Variants in FGF12 observed in about 807,000 individuals in gnomAD.
FGF12 encodes the protein fibroblast growth factor 12.
Under a neutral mutation model 23.6 loss-of-function variants are expected in FGF12, and 14 were observed. The observed-to-expected ratio is 0.59, with a 90% CI of 0.39 to 0.93. FGF12 has a LOEUF of 0.93. FGF12 is among the 40% of genes least tolerant of loss of function. The probability of loss-of-function intolerance (pLI) is 0.00; values close to 1 mark genes in which losing one functional copy is unlikely to be tolerated. For missense variants in FGF12, 175 were observed against 217.8 expected, an observed-to-expected ratio of 0.80 and a Z score of 1.24; for synonymous variants, 62 against 77.3, an observed-to-expected ratio of 0.80 and a Z score of 1.04.
intron 4 of FGF12, among the ~76,000 whole-genome samples, chr3:192,316,338 T>C (rs758518535): frequency 1.3e-5 from 2 of 152,184 alleles, no homozygotes; most frequent in East Asian, 1.9e-4. Flanking sequence ...TTTAACTTCA[T>C]ATCACTGAAA....
At position 192,596,122 on chromosome 3, in the gene FGF12, T is replaced by TATAATATAATATAATATAAC. The variant is rs1199801155; in HGVS notation, c.13+131058_13+131059insGTTATATTATATTATATTAT. On this transcript the variant is annotated intron_variant, in intron 2 of 5. Transcript: ENST00000445105. ...TATAATATAATATAATATAATATAA[T>TATAATATAATATAATATAAC]ATAATATAATATAATATAATATACT... Among the ~76,000 whole-genome samples the TATAATATAATATAATATAAC allele has an allele frequency of 4.1e-3, 600 of 147,160 alleles. 3 individuals carry two copies. The highest frequency in any genetic ancestry group is 0.011 in the Middle Eastern group (3 of 278).
chr3:192,586,741 T>C (rs1005858319), intron 2 of FGF12, among the ~76,000 whole-genome samples: 3 of 152,320 alleles, frequency 2.0e-5, no homozygotes, highest in Non-Finnish European at 4.4e-5. Flanking sequence ...CTTTAGTAAA[T>C]ATAAATGTAA....
intron 2 of FGF12, among the ~76,000 whole-genome samples, chr3:192,410,610 C>A (rs1271147259): frequency 1.3e-5 from 2 of 152,180 alleles, no homozygotes; most frequent in African/African-American, 4.8e-5. Flanking sequence ...TCGTGGGCCC[C>A]ACCTATGGCT....
intron 2 of FGF12, among the ~76,000 whole-genome samples, chr3:192,490,331 C>T (rs1318937334): frequency 6.6e-6 from 1 of 151,972 alleles, no homozygotes; most frequent in Admixed American, 6.6e-5. Context: ...TTTTCTTCAT[C>T]AAAAGTTATG....
chr3:192,352,757 T>C (rs1334330375), intron 3 of FGF12, among the ~76,000 whole-genome samples: 1 of 152,186 alleles, frequency 6.6e-6, no homozygotes, highest in Non-Finnish European at 1.5e-5. Flanking sequence ...ATATTATTAT[T>C]ATTGTCATTT....
intron 2 of FGF12, among the ~76,000 whole-genome samples, chr3:192,720,168 C>G (rs944910070): frequency 6.6e-6 from 1 of 152,236 alleles, no homozygotes; most frequent in African/African-American, 2.4e-5. Flanking sequence ...AAGAAAGAAA[C>G]AAAAACCTAA....
At chr3:192,474,420 A>AACCCAGG (rs1723259283) in intron 2 of FGF12, among the ~76,000 whole-genome samples, 2 of 152,184 alleles carry the variant, frequency 1.3e-5, no homozygotes, top group Admixed American at 6.5e-5. Context: ...GATTTGGCCA[A>AACCCAGG]TTATAGCACC....
At chr3:192,544,626 A>T (rs754442338) in intron 2 of FGF12, among the ~76,000 whole-genome samples, 1 of 152,228 alleles carries the variant, frequency 6.6e-6, no homozygotes, top group African/African-American at 2.4e-5. Flanking sequence ...CAAAACATAT[A>T]GATTTCTCTC....
intron 2 of FGF12, among the ~76,000 whole-genome samples, chr3:192,690,067 G>A (rs751742626): frequency 2.0e-5 from 3 of 151,984 alleles, no homozygotes; most frequent in Non-Finnish European, 2.9e-5. Context: ...CTGTCTTTCA[G>A]AAAAGAGGGA....
intron 2 of FGF12, among the ~76,000 whole-genome samples, chr3:192,564,046 T>C (rs933376389): frequency 1.3e-5 from 2 of 151,350 alleles, no homozygotes; most frequent in Non-Finnish European, 3.0e-5. Flanking sequence ...TGTTTTTTTT[T>C]GTTTGTTTTT....
At chr3:192,560,249 G>A (rs188772941) in intron 2 of FGF12, among the ~76,000 whole-genome samples, 270 of 151,838 alleles carry the variant, frequency 1.8e-3, no homozygotes, top group Non-Finnish European at 2.3e-3. Flanking sequence ...AAATATATGA[G>A]ATTCAAATTC....
rs1475874000 is a variant in FGF12, at chr3:192,564,347, A to G, written c.13+162834T>C. ...CCAAAGTGCTGGGATTACAGGAGTG[A>G]GCCACTGCGCCCTGCCGACCATGTG... On this transcript the variant is annotated intron_variant, in intron 2 of 5. Coordinates refer to ENST00000445105, the MANE Select transcript of FGF12 (RefSeq NM_004113.6). Among the ~76,000 whole-genome samples the G allele has an allele frequency of 3.3e-5, 5 of 152,164 alleles. No homozygotes were observed. In the East Asian group the frequency reaches 9.6e-4, roughly 29 times the overall value.
At chr3:192,618,190 T>C (rs1044315549) in intron 2 of FGF12, among the ~76,000 whole-genome samples, 19 of 149,872 alleles carry the variant, frequency 1.3e-4, no homozygotes, top group African/African-American at 4.4e-4. Flanking sequence ...GATTTTATAA[T>C]GGAATCACTA....
chr3:192,653,738 G>A (rs1294358014), intron 2 of FGF12, among the ~76,000 whole-genome samples: 11 of 105,164 alleles, frequency 1.0e-4, no homozygotes, highest in South Asian at 3.1e-4. Flanking sequence ...TTTTTGAGAC[G>A]GAATCATGCT....
Position 192,140,458 on chromosome 3 carries a change from T to C in FGF12, c.*3551A>G, listed in dbSNP as rs745488231. On this transcript the variant is annotated 3_prime_UTR_variant, in exon 6 of 6. Coordinates refer to ENST00000445105, the MANE Select transcript of FGF12 (RefSeq NM_004113.6). ...TCGATTTGCTATTTCTGGGTCTATG[T>C]TTTTAAAAAATTACTGGCAACGTAG... 2 of 152,010 alleles carry C rather than the reference T, an allele frequency of 1.3e-5. No homozygotes were observed. The highest frequency in any genetic ancestry group is 2.9e-5 in the Non-Finnish European group (2 of 67,888). 9.4% of individuals were successfully genotyped at this position (152,010 alleles called of 1,614,324 possible).
At chr3:192,231,391 T>C (rs2108584681) in intron 4 of FGF12, among the ~76,000 whole-genome samples, 1 of 152,254 alleles carries the variant, frequency 6.6e-6, no homozygotes, top group African/African-American at 2.4e-5. Flanking sequence ...AATAAACACT[T>C]TACATTTGTA....
chr3:192,222,011 G>T (rs1302540235), intron 4 of FGF12, among the ~76,000 whole-genome samples: 2 of 152,100 alleles, frequency 1.3e-5, no homozygotes, highest in Non-Finnish European at 2.9e-5. Flanking sequence ...GGAAAGGTGT[G>T]GTATGAAGAG....
At chr3:192,572,189 A>G (rs1712670320) in intron 2 of FGF12, among the ~76,000 whole-genome samples, 2 of 152,186 alleles carry the variant, frequency 1.3e-5, no homozygotes, top group African/African-American at 4.8e-5. Flanking sequence ...TCTTCTCGAA[A>G]GAGACTTAAT....
At chr3:192,564,225 G>A (rs370986913) in intron 2 of FGF12, among the ~76,000 whole-genome samples, 16 of 151,870 alleles carry the variant, frequency 1.1e-4, no homozygotes, top group Non-Finnish European at 1.3e-4. Flanking sequence ...CACCATGCCC[G>A]GCTAATTTGT....
Sources: gnomAD v4.1 joint callset for allele counts (sites outside exome capture counted in the v4.1 genomes callset) on GRCh38, gnomAD v4.1.1 for gene constraint, MANE v1.5 for transcripts, NCBI Gene and HGNC (gene_info 2026-07-23, HGNC 2026-07-21) for gene names.